Variants in CABIN1 observed in about 807,000 individuals in gnomAD.
CABIN1 encodes the protein calcineurin-binding protein cabin-1.
In CABIN1, 133 loss-of-function variants were observed where a neutral mutation model predicts 227.7. That is an observed-to-expected ratio of 0.58 (90% CI 0.51 to 0.67). CABIN1 has a LOEUF of 0.67. Ranked by LOEUF, CABIN1 falls within the 30% of genes least tolerant of loss-of-function variation. The probability of loss-of-function intolerance (pLI) is 0.00; values close to 1 mark genes in which losing one functional copy is unlikely to be tolerated. For missense variants in CABIN1, 2,408 were observed against 2,852.5 expected (o/e 0.84, Z 3.55); for synonymous variants, 1,086 against 1,155.1 (o/e 0.94, Z 1.21).
intron 10 of CABIN1, among the ~76,000 whole-genome samples, chr22:24,057,224 C>T (rs368373721): frequency 2.0e-5 from 3 of 149,032 alleles, no homozygotes; most frequent in South Asian, 2.1e-4. Context: ...GCATGAGCCA[C>T]GGCGCCCGGC....
At chr22:24,054,739 C>T in intron 8 of CABIN1, 134 bp from the exon 9 acceptor site, 1 of 1,095,772 alleles carries the variant, frequency 9.1e-7, no homozygotes. Flanking sequence ...ACCTTGATCA[C>T]CTCCCCCACC....
chr22:24,132,879 C>T (rs564505830), intron 28 of CABIN1, among the ~76,000 whole-genome samples: 2 of 152,306 alleles, frequency 1.3e-5, no homozygotes, highest in Non-Finnish European at 2.9e-5. Flanking sequence ...TGAGCCACCG[C>T]GCCCAGCTGC....
chr22:24,046,567 G>A (rs1489651291), intron 6 of CABIN1, among the ~76,000 whole-genome samples: 1 of 152,298 alleles, frequency 6.6e-6, no homozygotes, highest in Non-Finnish European at 1.5e-5. Flanking sequence ...CATTGTAGAA[G>A]AAGTTATGCT....
At position 24,119,709 on chromosome 22, in the gene CABIN1, G is replaced by A; in HGVS notation, c.4632+11G>A. ...AGCAAGACCCACCGGGTGAGTGGCT[G>A]CCGGGCCAAGGGGGCTTGGATCTTC... On this transcript the variant is annotated intron_variant, in intron 28 of 36. Coordinates refer to ENST00000263119, the MANE Select transcript of CABIN1 (RefSeq NM_012295.4). 1 of 1,612,706 alleles carries A rather than the reference G, an allele frequency of 6.2e-7. No individual in the cohort carries two copies. The highest frequency in any genetic ancestry group is 1.1e-5 in the South Asian group (1 of 91,070).
intron 29 of CABIN1, 54 bp downstream of exon 29, chr22:24,134,469 C>A: frequency 1.4e-6 from 2 of 1,461,806 alleles, no homozygotes; most frequent in Non-Finnish European, 1.9e-6. Flanking sequence ...CTGCTTTTCA[C>A]TGAAGGCGCA....
intron 12 of CABIN1, among the ~76,000 whole-genome samples, 183 bp from the exon 13 acceptor site, chr22:24,061,764 A>G (rs1176503987): frequency 6.6e-6 from 1 of 152,218 alleles, no homozygotes; most frequent in African/African-American, 2.4e-5. Context: ...ACATACATCC[A>G]TGTGGCTCTT....
rs768419461 is a variant in CABIN1, at chr22:24,064,162, A to G, written c.2012A>G (p.Asn671Ser). ...DIVIRLPNLHNDSVVSLEEID... is the reference protein window; with the variant it reads ...DIVIRLPNLHSDSVVSLEEID... ...GTCATCCGGCTGCCCAACCTCCATA[A>G]TGACTCTGTGGTTTCCCTGGAGGAG... The change falls in exon 15 of 37, where the codon AAT becomes AGT. Residue 671 changes from asparagine to serine, a missense_variant. By Grantham distance (46) the Asn-to-Ser change is conservative. Transcript: ENST00000263119. 2.5e-6 allele frequency: 4 copies of G among 1,614,196 alleles called. No individual in the cohort carries two copies. Among genetic ancestry groups the G allele is most frequent in the Non-Finnish European group, 3.4e-6 (4 of 1,180,018 alleles).
Position 24,059,378 on chromosome 22 carries a change from G to A in CABIN1, c.1399+15G>A, listed in dbSNP as rs145485837. 1.1e-5 allele frequency: 17 copies of A among 1,613,950 alleles called. No homozygotes were observed. The African/African-American group carries it at 1.7e-4, about 16-fold the overall frequency. On this transcript the variant is annotated intron_variant, in intron 11 of 36. Transcript: ENST00000263119. ...CATGGAATCTGGTAGGAATCGAGCA[G>A]TGTGACCATTCACTTTGGGAATTCT...
Position 24,054,913 on chromosome 22 carries a change from C to T in CABIN1, c.847C>T (p.His283Tyr). ...LGESLLAMYNHLTTCEPPRPS... is the reference protein window; with the variant it reads ...LGESLLAMYNYLTTCEPPRPS... The stretch of plus-strand genomic sequence containing the variant: ...AGAGAGCTTGCTGGCCATGTACAAT[C>T]ATCTCACCACCTGTGAGCCCCCACG... Residue 283 changes from histidine to tyrosine, a missense_variant, in exon 9 of 37, where the codon CAT (histidine) becomes TAT (tyrosine). His to Tyr is a moderately conservative substitution (Grantham distance 83). Around this residue, in one of 3 missense-constraint regions of CABIN1, gnomAD observed 1,045 missense variants for 1,168.4 expected, o/e 0.89. Transcript: ENST00000263119. 1 of 1,614,206 alleles carries T rather than the reference C, an allele frequency of 6.2e-7. No individual in the cohort carries two copies. Among genetic ancestry groups the T allele is most frequent in the South Asian group, 1.1e-5 (1 of 91,086 alleles).
chr22:24,052,194 G>A (rs1334059485), intron 8 of CABIN1, among the ~76,000 whole-genome samples: 1 of 152,148 alleles, frequency 6.6e-6, no homozygotes, highest in Non-Finnish European at 1.5e-5. Flanking sequence ...AACTGGTGCC[G>A]TGGCCACCCT....
At chr22:24,134,072 A>C (rs911761098) in intron 28 of CABIN1, among the ~76,000 whole-genome samples, 2 of 152,126 alleles carry the variant, frequency 1.3e-5, no homozygotes, top group Non-Finnish European at 2.9e-5. Flanking sequence ...CAAAGACTAC[A>C]CTCCTAAACC....
intron 1 of CABIN1, among the ~76,000 whole-genome samples, chr22:24,020,187 G>A (rs767036027): frequency 6.6e-6 from 1 of 152,060 alleles, no homozygotes; most frequent in African/African-American, 2.4e-5. Flanking sequence ...ATTTTCCTGA[G>A]TATTTTTTAT....
Position 24,171,938 on chromosome 22 carries a change from G to A in CABIN1, c.5983G>A (p.Gly1995Arg). Reference protein sequence around the residue: ...ASTLDQSKDPGPPRPHRPEAT... With the variant: ...ASTLDQSKDPRPPRPHRPEAT... ...CACCCTGGACCAGTCCAAGGACCCT[G>A]GGCCTCCCCGGCCACACAGGCCTGA... is the stretch of plus-strand genomic sequence containing the variant. Residue 1995 changes from glycine to arginine, a missense_variant, in exon 34 of 37, where the codon GGG (glycine) becomes AGG (arginine). By Grantham distance (125) the Gly-to-Arg change is moderately radical (BLOSUM62 -2). This residue lies in a region of CABIN1 where 714 missense variants were observed against 773.8 expected (regional missense o/e 0.92). Transcript: ENST00000263119. The A allele has an allele frequency of 6.2e-7, 1 of 1,613,752 alleles. No homozygotes were observed. The highest frequency in any genetic ancestry group is 8.5e-7 in the Non-Finnish European group (1 of 1,180,032).
intron 29 of CABIN1, among the ~76,000 whole-genome samples, chr22:24,161,885 G>GACCC (rs1392440408): frequency 6.6e-6 from 1 of 152,212 alleles, no homozygotes; most frequent in Non-Finnish European, 1.5e-5. Context: ...CACTCCAGGA[G>GACCC]ACCCTCCTCA....
At chr22:24,117,147 G>T (rs147289777) in intron 27 of CABIN1, among the ~76,000 whole-genome samples, 1 of 152,226 alleles carries the variant, frequency 6.6e-6, no homozygotes, top group East Asian at 1.9e-4. Context: ...AAGGCAGCTC[G>T]CCCCATCTCT....
intron 28 of CABIN1, among the ~76,000 whole-genome samples, chr22:24,124,760 G>A (rs568600846): frequency 1.3e-5 from 2 of 152,112 alleles, no homozygotes; most frequent in Non-Finnish European, 2.9e-5. Flanking sequence ...AAAGGCCAAG[G>A]CATAGACACC....
Position 24,064,095 on chromosome 22 carries a change from A to ACCG in CABIN1, c.1948_1950dup (p.Ala650dup). ...CTGCACAGAAATGCTCCAGAGTTCCACCGCCATCCAGGTGGAGGCAGGGGC... is the reference window on the plus strand; with the variant it reads ...CTGCACAGAAATGCTCCAGAGTTCCACCGCCGCCATCCAGGTGGAGGCAGGGGC... On this transcript the variant is annotated inframe_insertion, in exon 15 of 37. Coordinates refer to ENST00000263119, the MANE Select transcript of CABIN1 (RefSeq NM_012295.4). 6.2e-7 allele frequency: 1 copy of ACCG among 1,614,096 alleles called. No individual in the cohort carries two copies. Among genetic ancestry groups the ACCG allele is most frequent in the Non-Finnish European group, 8.5e-7 (1 of 1,179,964 alleles).
intron 33 of CABIN1, among the ~76,000 whole-genome samples, 194 bp downstream of exon 33, chr22:24,168,715 C>A (rs1295698171): frequency 1.3e-5 from 2 of 152,358 alleles, no homozygotes; most frequent in African/African-American, 4.8e-5. Context: ...CGGCCCAGAC[C>A]CCAGTTCAGA....
chr22:24,171,972 C>A lies in CABIN1; in HGVS notation c.6017C>A (p.Pro2006His), dbSNP rs200720834. ...PPRPHRPEAT[P>H]SMASLGPEGE... is the part of the protein sequence containing the mutation. ...CGGCCACACAGGCCTGAAGCTACCC[C>A]CAGCATGGCCTCTCTGGGCCCAGGT... Residue 2006 changes from proline (P) to histidine (H), a missense_variant, in exon 34 of 37, where the codon CCC becomes CAC. This residue lies in a region of CABIN1 where 714 missense variants were observed against 773.8 expected (regional missense o/e 0.92). Coordinates refer to ENST00000263119, the MANE Select transcript of CABIN1 (RefSeq NM_012295.4). 2.5e-6 allele frequency: 4 copies of A among 1,612,652 alleles called. No individual in the cohort carries two copies. The highest frequency in any genetic ancestry group is 3.4e-6 in the Non-Finnish European group (4 of 1,180,008).
Sources: allele counts gnomAD v4.1 joint callset (sites outside exome capture counted in the v4.1 genomes callset), GRCh38; gene constraint gnomAD v4.1.1; regional missense constraint gnomAD v4.1.1; transcripts MANE v1.5; gene names NCBI Gene and HGNC (gene_info 2026-07-23, HGNC 2026-07-21).